Variants in VPS13D observed in about 807,000 individuals in gnomAD.
The protein encoded by VPS13D is vacuolar protein sorting 13 homolog D.
In VPS13D, 187 loss-of-function variants were observed where a neutral mutation model predicts 461.9. The ratio of observed to expected loss-of-function variants is 0.40; its 90% CI spans 0.36 to 0.46. The LOEUF (loss-of-function observed/expected upper bound fraction) is 0.46. Among genes scored for constraint, VPS13D ranks in the 20% least tolerant of loss-of-function variants. VPS13D has a pLI of 0.60. For missense variants in VPS13D, 4,711 were observed against 5,364.9 expected, an observed-to-expected ratio of 0.88 and a Z score of 3.81; for synonymous variants, 1,951 against 1,986.3, an observed-to-expected ratio of 0.98 and a Z score of 0.47.
rs1343289762 is a variant in VPS13D, at chr1:12,390,149, C to G, written c.11634+3815C>G. ...GCCAGGAGAACTAATGTTGCAGGAA[C>G]AGAAAGCAAAAATTTTGCTAGTGGA... On this transcript the variant is annotated intron_variant, in intron 60 of 69. Transcript: ENST00000620676. 2.0e-5 allele frequency among the ~76,000 whole-genome samples: 3 copies of G among 152,180 alleles called. No homozygotes were observed. The East Asian group carries it at 5.8e-4, about 29-fold the overall frequency.
chr1:12,420,220 G>T (rs184584689), intron 65 of VPS13D, among the ~76,000 whole-genome samples: 1 of 152,210 alleles, frequency 6.6e-6, no homozygotes, highest in Non-Finnish European at 1.5e-5. Flanking sequence ...GATTCTGCAC[G>T]TATGTGGTTG....
chr1:12,392,446 T>C (rs1415535687), intron 60 of VPS13D, among the ~76,000 whole-genome samples: 1 of 144,056 alleles, frequency 6.9e-6, no homozygotes, highest in Admixed American at 7.2e-5. Flanking sequence ...TCCTTTACAC[T>C]CCAGCCTGGG....
intron 53 of VPS13D, among the ~76,000 whole-genome samples, chr1:12,368,988 A>G (rs1644077723): frequency 6.6e-6 from 1 of 152,218 alleles, no homozygotes; most frequent in African/African-American, 2.4e-5. Context: ...AAGAAAGTCA[A>G]TATGGAAATC....
chr1:12,284,928 C>T (rs1297474919), intron 21 of VPS13D, among the ~76,000 whole-genome samples: 2 of 152,168 alleles, frequency 1.3e-5, no homozygotes, highest in Non-Finnish European at 2.9e-5. Context: ...CCTGGAGAGG[C>T]GTTAGCCATT....
At chr1:12,295,673 C>T (rs1008890623) in intron 24 of VPS13D, among the ~76,000 whole-genome samples, 20 of 151,976 alleles carry the variant, frequency 1.3e-4, no homozygotes, top group Admixed American at 1.0e-3. Context: ...AAAAATTTAG[C>T]GTTTTACACC....
intron 55 of VPS13D, 134 bp downstream of exon 55, chr1:12,373,992 T>G: frequency 1.8e-6 from 1 of 560,906 alleles, no homozygotes; most frequent in Non-Finnish European, 3.0e-6. Context: ...CTCTTGGCAT[T>G]TCCAGGTCAG....
chr1:12,404,463 G>A (rs918955320), intron 63 of VPS13D, among the ~76,000 whole-genome samples: 1 of 152,020 alleles, frequency 6.6e-6, no homozygotes, highest in East Asian at 1.9e-4. Context: ...GTTTAAAGTC[G>A]ACTCAGCCCA....
In VPS13D at chr1:12,311,476, G is replaced by A. The variant is rs1207250984; in HGVS notation, c.6673G>A (p.Asp2225Asn). 6.2e-7 allele frequency: 1 copy of A among 1,613,534 alleles called. No individual in the cohort carries two copies. The highest frequency in any genetic ancestry group is 1.7e-5 in the Admixed American group (1 of 59,880). Residue 2225 changes from aspartate to asparagine, a missense_variant, in exon 28 of 70, where the codon GAC becomes AAC. Physicochemically the swap from Asp to Asn is conservative, Grantham distance 23 (BLOSUM62 1). Coordinates refer to ENST00000620676, the MANE Select transcript of VPS13D (RefSeq NM_015378.4). The stretch of plus-strand genomic sequence containing the variant: ...TAGAGAAATAAGTCATACTGTGCCA[G>A]ACATATCTATCCATGGCAATCTCTC... ...LDKEISHTVP[D>N]ISIHGNLSSV...
At chr1:12,403,141 C>T (rs982048642) in intron 62 of VPS13D, among the ~76,000 whole-genome samples, 1 of 152,210 alleles carries the variant, frequency 6.6e-6, no homozygotes, top group Non-Finnish European at 1.5e-5. Flanking sequence ...TTCCAAGGCA[C>T]GTGAAGCCAA....
Position 12,258,013 on chromosome 1 carries a change from C to T in VPS13D, c.1020C>T (p.Asp340=), listed in dbSNP as rs1419364570. 1 of 1,614,190 alleles carries T rather than the reference C, an allele frequency of 6.2e-7. No homozygotes were observed. The highest frequency in any genetic ancestry group is 8.5e-7 in the Non-Finnish European group (1 of 1,180,034). Residue 340 remains aspartate (D), a synonymous_variant, in exon 10 of 70, where the codon GAC becomes GAT. Coordinates refer to ENST00000620676, the MANE Select transcript of VPS13D (RefSeq NM_015378.4). The stretch of plus-strand genomic sequence containing the variant: ...AGCAGAGGAAACGTTGCACCTGGGA[C>T]TTTATGTTGCACCGCGCTCGTGATG... ...IREQRKRCTW[D]FMLHRARDAV... is the part of the protein sequence containing the mutation.
At chr1:12,311,237 G>T (rs972696622) in intron 27 of VPS13D, among the ~76,000 whole-genome samples, 10 of 152,082 alleles carry the variant, frequency 6.6e-5, no homozygotes, top group Non-Finnish European at 1.2e-4. Flanking sequence ...TTTTCTAAAT[G>T]TAAATTTTGG....
chr1:12,404,557 G>T (rs1286642190), intron 63 of VPS13D, among the ~76,000 whole-genome samples: 1 of 152,186 alleles, frequency 6.6e-6, no homozygotes, highest in Non-Finnish European at 1.5e-5. Flanking sequence ...ACTAGACACA[G>T]CCTGAACACC....
At chr1:12,311,395 C>G in intron 27 of VPS13D, 59 bp from the exon 28 acceptor site, 3 of 1,516,150 alleles carry the variant, frequency 2.0e-6, no homozygotes, top group Non-Finnish European at 2.7e-6. Context: ...TGGGCGTGAG[C>G]TATGTCAGTG....
At chr1:12,251,440 T>G (rs1640728572) in intron 6 of VPS13D, among the ~76,000 whole-genome samples, 1 of 152,226 alleles carries the variant, frequency 6.6e-6, no homozygotes, top group African/African-American at 2.4e-5. Context: ...AATTCCCTGT[T>G]CTGTGATCTC....
chr1:12,331,231 A>C (rs972824921), intron 37 of VPS13D, among the ~76,000 whole-genome samples: 1 of 152,148 alleles, frequency 6.6e-6, no homozygotes, highest in Non-Finnish European at 1.5e-5. Context: ...GGACAGAATA[A>C]TCAGAGTAGT....
Position 12,348,866 on chromosome 1 carries a change from T to G in VPS13D, c.9113T>G (p.Met3038Arg). The stretch of plus-strand genomic sequence containing the variant: ...GTGCGGGTGGTCTTTGCAGTGACTA[T>G]GGAAGGCAGTGCACGGAAAGTCATC... Reference protein sequence around the residue: ...PPVRVVFAVTMEGSARKVITV... With the variant: ...PPVRVVFAVTREGSARKVITV... Residue 3038 changes from methionine (M) to arginine (R), a missense_variant, in exon 45 of 70, where the codon ATG becomes AGG. Met to Arg is a moderately conservative substitution (Grantham distance 91). Coordinates refer to ENST00000620676, the MANE Select transcript of VPS13D (RefSeq NM_015378.4). 2 of 1,614,226 alleles carry G rather than the reference T, an allele frequency of 1.2e-6. No homozygotes were observed. Among genetic ancestry groups the G allele is most frequent in the Non-Finnish European group, 1.7e-6 (2 of 1,180,034 alleles).
chr1:12,423,175 A>G (rs1256948954), intron 65 of VPS13D, among the ~76,000 whole-genome samples: 1 of 152,210 alleles, frequency 6.6e-6, no homozygotes, highest in African/African-American at 2.4e-5. Flanking sequence ...TTACCTGGTC[A>G]GTAGCTAGAT....
At chr1:12,362,152 C>T (rs1438284536) in intron 50 of VPS13D, among the ~76,000 whole-genome samples, 4 of 152,200 alleles carry the variant, frequency 2.6e-5, no homozygotes, top group African/African-American at 9.6e-5. Context: ...CATGAGCCAC[C>T]ACACCCGGCC....
At chr1:12,478,752 C>T (rs889144809) in intron 67 of VPS13D, 9 of 453,984 alleles carry the variant, frequency 2.0e-5, no homozygotes, top group Admixed American at 4.7e-5. Flanking sequence ...CGGCCAGAAA[C>T]GGGACACCTT....
Sources: allele counts gnomAD v4.1 joint callset (sites outside exome capture counted in the v4.1 genomes callset), GRCh38; gene constraint gnomAD v4.1.1; transcripts MANE v1.5; gene names NCBI Gene and HGNC (gene_info 2026-07-23, HGNC 2026-07-21).